The following FAM91A1 variants were observed in gnomAD, a reference collection of about 807,000 sequenced individuals.
The protein encoded by FAM91A1 is protein FAM91A1.
FAM91A1 carries 41 observed loss-of-function variants against 113.5 expected under a neutral mutation model. The observed-to-expected ratio is 0.36, with a 90% CI of 0.28 to 0.47. The LOEUF (loss-of-function observed/expected upper bound fraction) is 0.47. Among genes scored for constraint, FAM91A1 ranks in the 20% least tolerant of loss-of-function variants. The pLI, the probability that FAM91A1 is intolerant of heterozygous loss-of-function variation, is 1.00. For missense variants in FAM91A1, 696 were observed against 1,001.2 expected (o/e 0.70, Z 4.11); for synonymous variants, 307 against 347.9 (o/e 0.88, Z 1.31).
At chr8:123,775,438 G>A (rs1049140323) in intron 3 of FAM91A1, 140 bp downstream of exon 3, 34 of 1,046,368 alleles carry the variant, frequency 3.2e-5, no homozygotes, top group Admixed American at 1.6e-4. Context: ...AGGACTATTG[G>A]TGGCTTGTTA....
At position 123,775,195 on chromosome 8, in the gene FAM91A1, A is replaced by T. The variant is rs769599264; in HGVS notation, c.206A>T (p.Lys69Met). 6.2e-7 allele frequency: 1 copy of T among 1,613,446 alleles called. No homozygotes were observed. The highest frequency in any genetic ancestry group is 1.1e-5 in the South Asian group (1 of 91,010). ...CGCAGATACTATGAGGAACTGCTAA[A>T]GTACAGCCGAGATCATCTCATGCTG... is the stretch of plus-strand genomic sequence containing the variant. ...DERRYYEELL[K>M]YSRDHLMLYP... The change falls in exon 3 of 24, where the codon AAG (lysine) becomes ATG (methionine). Residue 69 changes from lysine to methionine, a missense_variant. Physicochemically the swap from Lys to Met is moderately conservative, Grantham distance 95 (BLOSUM62 -1). Coordinates refer to ENST00000334705, the MANE Select transcript of FAM91A1 (RefSeq NM_144963.4).
chr8:123,798,362 T>C, intron 16 of FAM91A1, 124 bp downstream of exon 16: 1 of 1,122,446 alleles, frequency 8.9e-7, no homozygotes, highest in South Asian at 1.7e-5. Context: ...TTGTATTTTA[T>C]GCCTTTGTAA....
Position 123,806,203 on chromosome 8 carries a change from A to G in FAM91A1, c.2006A>G (p.Lys669Arg), listed in dbSNP as rs752905166. 2 of 1,613,052 alleles carry G rather than the reference A, an allele frequency of 1.2e-6. No homozygotes were observed. The highest frequency in any genetic ancestry group is 1.3e-5 in the African/African-American group (1 of 74,892). The change falls in exon 20 of 24, where the codon AAA becomes AGA. Residue 669 changes from lysine (K) to arginine (R), a missense_variant. By Grantham distance (26) the Lys-to-Arg change is conservative. Transcript: ENST00000334705. ...GCTTCCAGCCAACTTGCAGATAGAAAACTCAGTGATGCTTCTGATGAGAGA... is the reference window on the plus strand; with the variant it reads ...GCTTCCAGCCAACTTGCAGATAGAAGACTCAGTGATGCTTCTGATGAGAGA... The part of the protein sequence containing the change: ...LNASSQLADR[K>R]LSDASDERGE...
At chr8:123,801,356 A>G (rs17351356) in intron 18 of FAM91A1, among the ~76,000 whole-genome samples, 4,581 of 152,306 alleles carry the variant, frequency 0.03, 75 homozygotes, top group Non-Finnish European at 0.032. Flanking sequence ...TATAATAACA[A>G]ACACTTATAA....
At position 123,814,988 on chromosome 8, in the gene FAM91A1, T is replaced by C. The variant is rs1164002546; in HGVS notation, c.*2284T>C. ...TCCTTTCTTTTTCCCGCTTCCTTAA[T>C]GTAATTTAAACCCTGGCAAACATTC... On this transcript the variant is annotated 3_prime_UTR_variant, in exon 24 of 24. Coordinates refer to ENST00000334705, the MANE Select transcript of FAM91A1 (RefSeq NM_144963.4). 6.6e-6 allele frequency: 1 copy of C among 152,610 alleles called. No homozygotes were observed. Among genetic ancestry groups the C allele is most frequent in the African/African-American group, 2.4e-5 (1 of 41,462 alleles). The allele number at this position is 152,610 out of a possible 1,614,324, so 9.5% of individuals were successfully genotyped here.
At chr8:123,805,395 C>A in intron 19 of FAM91A1, 56 bp downstream of exon 19, 2 of 1,339,460 alleles carry the variant, frequency 1.5e-6, no homozygotes, top group South Asian at 1.3e-5. Context: ...TTACTCATGT[C>A]AACAGTTTGG....
chr8:123,804,589 C>T (rs1375791118), intron 18 of FAM91A1, among the ~76,000 whole-genome samples: 1 of 148,076 alleles, frequency 6.8e-6, no homozygotes, highest in Non-Finnish European at 1.5e-5. Flanking sequence ...ATCTCTCCTC[C>T]AAATCAGATA....
chr8:123,786,715 A>T (rs762821269), intron 12 of FAM91A1, 105 bp downstream of exon 12: 3 of 883,052 alleles, frequency 3.4e-6, no homozygotes, highest in Non-Finnish European at 3.7e-6. Flanking sequence ...ATTTTATTCA[A>T]TACGCAGTCT....
At chr8:123,772,442 C>T (rs964460446) in intron 1 of FAM91A1, among the ~76,000 whole-genome samples, 1 of 152,090 alleles carries the variant, frequency 6.6e-6, no homozygotes, top group Non-Finnish European at 1.5e-5. Flanking sequence ...GTACAACGAC[C>T]CTGGCATTGA....
At chr8:123,798,024 A>G (rs1815574586) in intron 15 of FAM91A1, 66 bp from the exon 16 acceptor site, 6 of 1,510,590 alleles carry the variant, frequency 4.0e-6, no homozygotes, top group East Asian at 2.3e-5. Context: ...TCAATATTGC[A>G]TCTTCAACAT....
chr8:123,802,909 A>C (rs1411471782), intron 18 of FAM91A1, among the ~76,000 whole-genome samples: 1 of 152,256 alleles, frequency 6.6e-6, no homozygotes, highest in Admixed American at 6.5e-5. Flanking sequence ...CACTGTGTTT[A>C]GCACATAGGA....
Position 123,768,644 on chromosome 8 carries a change from C to T in FAM91A1, c.-59C>T, listed in dbSNP as rs1017844510. 1.4e-5 allele frequency: 21 copies of T among 1,454,636 alleles called. No homozygotes were observed. In the Admixed American group the frequency reaches 3.7e-4, roughly 26 times the overall value. 90.1% of individuals were successfully genotyped at this position (1,454,636 alleles called of 1,614,324 possible). The stretch of plus-strand genomic sequence containing the variant: ...CGCTGACAGGCTGCGGGCGGGCAGG[C>T]GGGAGGCGTAGTGTGGGTCGCGGTG... On this transcript the variant is annotated 5_prime_UTR_variant, in exon 1 of 24. Coordinates refer to ENST00000334705, the MANE Select transcript of FAM91A1 (RefSeq NM_144963.4).
In FAM91A1 at chr8:123,775,231, A is replaced by G; in HGVS notation, c.242A>G (p.His81Arg). 6.2e-7 allele frequency: 1 copy of G among 1,613,996 alleles called. No individual in the cohort carries two copies. Among genetic ancestry groups the G allele is most frequent in the South Asian group, 1.1e-5 (1 of 91,062 alleles). ...GATCATCTCATGCTGTACCCTTACC[A>G]TCTATCGGATATTATGGTGAAAGGC... ...SRDHLMLYPY[H>R]LSDIMVKGLR... Residue 81 changes from histidine to arginine, a missense_variant, in exon 3 of 24, where the codon CAT becomes CGT. Transcript: ENST00000334705.
intron 18 of FAM91A1, among the ~76,000 whole-genome samples, chr8:123,803,747 T>A (rs1485865963): frequency 6.6e-6 from 1 of 152,242 alleles, no homozygotes; most frequent in African/African-American, 2.4e-5. Flanking sequence ...AAACCATAAT[T>A]TATTTTAGCC....
intron 18 of FAM91A1, among the ~76,000 whole-genome samples, chr8:123,800,726 C>T (rs1815652251): frequency 6.6e-6 from 1 of 152,130 alleles, no homozygotes; most frequent in African/African-American, 2.4e-5. Context: ...TACTTGTTGT[C>T]TCTATAGATT....
At chr8:123,786,663 C>A in intron 12 of FAM91A1, 53 bp downstream of exon 12, 1 of 1,266,366 alleles carries the variant, frequency 7.9e-7, no homozygotes, top group Non-Finnish European at 1.2e-6. Context: ...CGGCACATGT[C>A]CAAACATACA....
intron 16 of FAM91A1, 83 bp downstream of exon 16, chr8:123,798,321 T>C: frequency 4.2e-6 from 6 of 1,445,354 alleles, no homozygotes; most frequent in Non-Finnish European, 5.6e-6. Flanking sequence ...AGATACCAAC[T>C]ATTAAAATCA....
Position 123,785,248 on chromosome 8 carries a change from G to T in FAM91A1, c.849+129G>T. 3.8e-6 allele frequency: 3 copies of T among 796,012 alleles called. No homozygotes were observed. The South Asian group carries it at 5.8e-5, about 15-fold the overall frequency. 49.3% of individuals were successfully genotyped at this position (796,012 alleles called of 1,614,324 possible). On this transcript the variant is annotated intron_variant, in intron 10 of 23. Transcript: ENST00000334705. ...TGTTGTTAGCTGTCTGAGAGAACGT[G>T]CACAGTAAAGGGGCACTTGCAAAGA...
chr8:123,784,628 G>A, intron 9 of FAM91A1, 52 bp downstream of exon 9: 1 of 1,281,342 alleles, frequency 7.8e-7, no homozygotes, highest in Non-Finnish European at 1.1e-6. Flanking sequence ...GTAAGTTTGT[G>A]TAAAGTAAGT....
Sources: allele counts gnomAD v4.1 joint callset (sites outside exome capture counted in the v4.1 genomes callset), GRCh38; gene constraint gnomAD v4.1.1; transcripts MANE v1.5; gene names NCBI Gene and HGNC (gene_info 2026-07-23, HGNC 2026-07-21).